The following COL4A1 variants were observed in gnomAD, a reference collection of about 807,000 sequenced individuals.
The protein encoded by COL4A1 is collagen type IV alpha 1 chain.
A neutral mutation model predicts 216.6 loss-of-function variants in COL4A1; 40 were observed. The observed-to-expected ratio is 0.18, with a 90% CI of 0.14 to 0.24. The LOEUF (loss-of-function observed/expected upper bound fraction) is 0.24, where lower values mean the gene tolerates loss of function less well. COL4A1 is among the 10% of genes least tolerant of loss of function. The pLI is 1.00. For synonymous variants in COL4A1, 839 were observed against 810.7 expected, an observed-to-expected ratio of 1.03 and a Z score of -0.59; for missense variants, 1,628 against 2,196.8, an observed-to-expected ratio of 0.74 and a Z score of 5.18.
intron 28 of COL4A1, among the ~76,000 whole-genome samples, chr13:110,182,687 T>C (rs1305983927): frequency 6.6e-6 from 1 of 152,228 alleles, no homozygotes; most frequent in Non-Finnish European, 1.5e-5. Context: ...TCAGGTGGAC[T>C]GCGAGTCTTC....
chr13:110,209,876 G>A (rs759640057), intron 10 of COL4A1, 104 bp downstream of exon 10: 32 of 1,378,592 alleles, frequency 2.3e-5, no homozygotes, highest in Admixed American at 5.0e-5. Context: ...AATTAAGAGC[G>A]ACCACAACTG....
rs1318030275 is a variant in COL4A1 at position 110,187,126 on chromosome 13, A to G, written c.1728+12T>C. 1 of 1,613,938 alleles carries G rather than the reference A, an allele frequency of 6.2e-7. No individual in the cohort carries two copies. Among genetic ancestry groups the G allele is most frequent in the Non-Finnish European group, 8.5e-7 (1 of 1,179,858 alleles). ...TGTAAAATGCACATTCAAAGTCTGGAGATAAACATACCGGCGAGCCCTTGG... is the reference window on the plus strand; with the variant it reads ...TGTAAAATGCACATTCAAAGTCTGGGGATAAACATACCGGCGAGCCCTTGG... On this transcript the variant is annotated intron_variant, in intron 25 of 51. Transcript: ENST00000375820.
chr13:110,237,257 C>G (rs1881357196), intron 2 of COL4A1, among the ~76,000 whole-genome samples: 1 of 152,172 alleles, frequency 6.6e-6, no homozygotes, highest in Admixed American at 6.5e-5. Context: ...AGATTAGGGT[C>G]TGCTTATCTG....
chr13:110,267,832 T>A (rs1266201295), intron 1 of COL4A1, among the ~76,000 whole-genome samples: 1 of 152,128 alleles, frequency 6.6e-6, no homozygotes, highest in African/African-American at 2.4e-5. Context: ...CTGTATAACA[T>A]TGAGGGCAAT....
At chr13:110,201,552 C>T (rs771113883) in intron 18 of COL4A1, 30 bp from the exon 19 acceptor site, 11 of 1,592,192 alleles carry the variant, frequency 6.9e-6, no homozygotes, top group Middle Eastern at 1.7e-4. Context: ...GTGATCATCC[C>T]GTGGCATGGG....
At chr13:110,233,961 A>G (rs1022968594) in intron 2 of COL4A1, among the ~76,000 whole-genome samples, 4 of 152,216 alleles carry the variant, frequency 2.6e-5, no homozygotes, top group African/African-American at 9.6e-5. Flanking sequence ...ATGGGGATCC[A>G]TGTCTATGTC....
intron 1 of COL4A1, among the ~76,000 whole-genome samples, chr13:110,278,861 T>A (rs1480167907): frequency 6.6e-6 from 1 of 152,192 alleles, no homozygotes; most frequent in African/African-American, 2.4e-5. Context: ...CTACCTTAGA[T>A]GTTTCAGCAG....
intron 2 of COL4A1, among the ~76,000 whole-genome samples, chr13:110,231,326 G>A (rs1393666652): frequency 6.6e-6 from 1 of 152,224 alleles, no homozygotes; most frequent in Non-Finnish European, 1.5e-5. Flanking sequence ...AGTTGTCCAT[G>A]GACATTTCTC....
intron 41 of COL4A1, among the ~76,000 whole-genome samples, chr13:110,171,062 G>A (rs370106764): frequency 2.6e-5 from 4 of 152,218 alleles, no homozygotes; most frequent in Non-Finnish European, 4.4e-5. Flanking sequence ...ACTGCTAAAC[G>A]AAAGCCTCAC....
At chr13:110,284,507 T>C (rs1883762193) in intron 1 of COL4A1, among the ~76,000 whole-genome samples, 1 of 152,120 alleles carries the variant, frequency 6.6e-6, no homozygotes, top group South Asian at 2.1e-4. Flanking sequence ...AATAGAAAAA[T>C]CTAATGCACA....
rs1008143077 is a variant in COL4A1 at position 110,230,408 on chromosome 13, C to T, written c.144+12267G>A. 1.0e-3 allele frequency among the ~76,000 whole-genome samples: 155 copies of T among 151,986 alleles called. 2 individuals are homozygous for T. Among genetic ancestry groups the T allele is most frequent in the South Asian group, 6.2e-4 (3 of 4,818 alleles). Reference sequence around the variant, plus strand: ...GCAGGCGCGGGTCATCAGGGCTCGTCGTGACACCCTGGAAAATCACACAGG... The same window carrying T: ...GCAGGCGCGGGTCATCAGGGCTCGTTGTGACACCCTGGAAAATCACACAGG... On this transcript the variant is annotated intron_variant, in intron 2 of 51. Transcript: ENST00000375820.
intron 36 of COL4A1, 57 bp from the exon 37 acceptor site, chr13:110,175,414 A>G: frequency 6.2e-7 from 1 of 1,608,828 alleles, no homozygotes; most frequent in Non-Finnish European, 8.5e-7. Flanking sequence ...GGTATTACAA[A>G]TGAAAAAGTG....
intron 51 of COL4A1, 56 bp downstream of exon 51, chr13:110,152,278 A>C (rs1876534492): frequency 6.2e-7 from 1 of 1,609,236 alleles, no homozygotes; most frequent in Non-Finnish European, 8.5e-7. Context: ...CGGATGATTA[A>C]AAAATAAAGT....
At chr13:110,219,002 A>G (rs1278225798) in intron 2 of COL4A1, among the ~76,000 whole-genome samples, 1 of 152,178 alleles carries the variant, frequency 6.6e-6, no homozygotes, top group East Asian at 1.9e-4. Context: ...AACCACCATC[A>G]GAAGAGACAT....
At chr13:110,254,786 T>C (rs1882438414) in intron 1 of COL4A1, among the ~76,000 whole-genome samples, 1 of 152,178 alleles carries the variant, frequency 6.6e-6, no homozygotes, top group Non-Finnish European at 1.5e-5. Context: ...GTCCCCATCC[T>C]AAAAAGATAA....
chr13:110,217,664 G>A (rs1010736006), intron 2 of COL4A1, among the ~76,000 whole-genome samples: 1 of 152,194 alleles, frequency 6.6e-6, no homozygotes, highest in Non-Finnish European at 1.5e-5. Context: ...TCAGTGCAAT[G>A]CAGAGCACTG....
chr13:110,261,584 C>T (rs909349013), intron 1 of COL4A1, among the ~76,000 whole-genome samples: 8 of 152,194 alleles, frequency 5.3e-5, no homozygotes, highest in Non-Finnish European at 1.2e-4. Context: ...GACACAGAAG[C>T]GATGGACTGC....
intron 1 of COL4A1, among the ~76,000 whole-genome samples, chr13:110,299,980 A>G (rs1566455163): frequency 1.3e-5 from 2 of 152,240 alleles, no homozygotes; most frequent in African/African-American, 4.8e-5. Context: ...CACTGTGCTC[A>G]GAAATCAGGC....
chr13:110,159,083 G>T (rs1360304827), intron 49 of COL4A1, among the ~76,000 whole-genome samples: 2 of 152,154 alleles, frequency 1.3e-5, no homozygotes, highest in Non-Finnish European at 2.9e-5. Flanking sequence ...GCAAAGAGAG[G>T]ACAGTCATGT....
Sources: gnomAD v4.1 joint callset for allele counts (sites outside exome capture counted in the v4.1 genomes callset) on GRCh38, gnomAD v4.1.1 for gene constraint, MANE v1.5 for transcripts, NCBI Gene and HGNC (gene_info 2026-07-23, HGNC 2026-07-21) for gene names.